Variants in RBFOX1 observed in about 807,000 individuals in gnomAD.
RBFOX1 encodes RNA binding fox-1 homolog 1.
Under a neutral mutation model 57.7 loss-of-function variants are expected in RBFOX1, and 8 were observed. The ratio of observed to expected loss-of-function variants is 0.14; its 90% CI spans 0.08 to 0.25. The LOEUF is 0.25. Among genes scored for constraint, RBFOX1 ranks in the 10% least tolerant of loss-of-function variants. The probability of loss-of-function intolerance (pLI) is 1.00; values close to 1 mark genes in which losing one functional copy is unlikely to be tolerated. For synonymous variants in RBFOX1, 326 were observed against 222.4 expected (o/e 1.47, Z -4.15); for missense variants, 611 against 548.5 (o/e 1.11, Z -1.14).
chr16:5,598,749 C>T (rs1010633757), intron 2 of RBFOX1, among the ~76,000 whole-genome samples: 1 of 152,154 alleles, frequency 6.6e-6, no homozygotes, highest in African/African-American at 2.4e-5. Context: ...CAGGTCTTGA[C>T]CCCTGCAGGG....
intron 4 of RBFOX1, among the ~76,000 whole-genome samples, chr16:7,138,143 T>C (rs1057232626): frequency 2.6e-5 from 4 of 152,006 alleles, no homozygotes; most frequent in Non-Finnish European, 5.9e-5. Context: ...TTGACTCAAA[T>C]AGGGTAAACA....
intron 1 of RBFOX1, among the ~76,000 whole-genome samples, chr16:5,253,039 C>G (rs113096886): frequency 9.9e-5 from 15 of 152,272 alleles, no homozygotes; most frequent in Admixed American, 3.9e-4. Context: ...CTGAGGTGCT[C>G]GCAAAGAGCC....
intron 3 of RBFOX1, among the ~76,000 whole-genome samples, chr16:7,002,141 C>A (rs1383036083): frequency 6.6e-6 from 1 of 151,702 alleles, no homozygotes; most frequent in Admixed American, 6.6e-5. Context: ...TTAGGTGAGT[C>A]TAGGGTTATT....
chr16:6,922,100 A>G (rs1287998148), intron 3 of RBFOX1, among the ~76,000 whole-genome samples: 6 of 152,090 alleles, frequency 3.9e-5, no homozygotes. Context: ...AGCATCTACA[A>G]CTTTCTTCAC....
chr16:5,817,885 A>G (rs1470234350), intron 3 of RBFOX1, among the ~76,000 whole-genome samples: 1 of 151,650 alleles, frequency 6.6e-6, no homozygotes, highest in African/African-American at 2.4e-5. Flanking sequence ...AGAGTTGGGG[A>G]TTCACCGTGT....
At chr16:5,652,879 G>A (rs1330347475) in intron 3 of RBFOX1, among the ~76,000 whole-genome samples, 5 of 152,208 alleles carry the variant, frequency 3.3e-5, no homozygotes, top group Non-Finnish European at 7.3e-5. Context: ...GTCACTGTAG[G>A]TAGCATGATG....
In RBFOX1 at chr16:7,297,325, T is replaced by G. The variant is rs565827317; in HGVS notation, c.28-220822T>G. ...TAACTGGGTTTGGAAATCAGTTGCA[T>G]CCCTTCTCTTCTCCAGAAACATATG... is the stretch of plus-strand genomic sequence containing the variant. On this transcript the variant is annotated intron_variant, in intron 4 of 15. Coordinates refer to ENST00000550418, the MANE Select transcript of RBFOX1 (RefSeq NM_018723.4). Among the ~76,000 whole-genome samples, 111 of 152,342 alleles carry G rather than the reference T, an allele frequency of 7.3e-4. 1 individual carries two copies. Among genetic ancestry groups the G allele is most frequent in the African/African-American group, 2.6e-3 (108 of 41,582 alleles).
At chr16:5,332,870 G>T (rs1349373706) in intron 1 of RBFOX1, among the ~76,000 whole-genome samples, 3 of 152,032 alleles carry the variant, frequency 2.0e-5, no homozygotes, top group Admixed American at 6.6e-5. Flanking sequence ...CACCAGGTAG[G>T]AACAAGTTAT....
chr16:5,689,772 C>G (rs1224546490), intron 3 of RBFOX1, among the ~76,000 whole-genome samples: 1 of 149,566 alleles, frequency 6.7e-6, no homozygotes, highest in East Asian at 2.0e-4. Context: ...GATCTTTGGT[C>G]TTAGACCAAT....
At chr16:6,771,620 A>T (rs560700515) in intron 3 of RBFOX1, among the ~76,000 whole-genome samples, 1 of 152,328 alleles carries the variant, frequency 6.6e-6, no homozygotes, top group East Asian at 1.9e-4. Context: ...GCAGTTCTCA[A>T]CTGTGGACAA....
intron 5 of RBFOX1, among the ~76,000 whole-genome samples, chr16:7,569,455 C>T (rs1375277883): frequency 6.6e-6 from 1 of 152,136 alleles, no homozygotes; most frequent in Non-Finnish European, 1.5e-5. Context: ...GGTGTTCACT[C>T]TGACATTGGG....
chr16:6,768,582 G>T (rs1408402915), intron 3 of RBFOX1, among the ~76,000 whole-genome samples: 1 of 151,512 alleles, frequency 6.6e-6, no homozygotes, highest in Non-Finnish European at 1.5e-5. Flanking sequence ...GAAAAAGATG[G>T]ATCAATAAAT....
chr16:6,246,997 G>A (rs1263103049), intron 1 of RBFOX1, among the ~76,000 whole-genome samples: 1 of 152,142 alleles, frequency 6.6e-6, no homozygotes, highest in East Asian at 1.9e-4. Context: ...TTGAACCCAG[G>A]AAGTAGAGGT....
intron 4 of RBFOX1, among the ~76,000 whole-genome samples, chr16:7,267,535 C>T (rs12102718): frequency 0.24 from 36,810 of 151,022 alleles, 4,720 homozygotes; most frequent in South Asian, 0.3. Flanking sequence ...GACTCTATCT[C>T]GACAAAAAAT....
intron 1 of RBFOX1, among the ~76,000 whole-genome samples, chr16:6,107,139 G>A (rs2096390577): frequency 6.6e-6 from 1 of 152,090 alleles, no homozygotes; most frequent in African/African-American, 2.4e-5. Context: ...TTGTGCCTTT[G>A]CTTTTTTGTT....
chr16:6,740,761 A>G (rs1428063745), intron 3 of RBFOX1, among the ~76,000 whole-genome samples: 12 of 152,206 alleles, frequency 7.9e-5, no homozygotes, highest in Non-Finnish European at 2.9e-5. Flanking sequence ...TCATGGATTG[A>G]AAGACTCCAC....
At chr16:7,010,801 G>A (rs76634086) in intron 3 of RBFOX1, among the ~76,000 whole-genome samples, 1 of 152,120 alleles carries the variant, frequency 6.6e-6, no homozygotes, top group Non-Finnish European at 1.5e-5. Flanking sequence ...CTGGCCTCAA[G>A]TGATCTACCC....
chr16:6,165,870 A>G (rs1414282397), intron 1 of RBFOX1, among the ~76,000 whole-genome samples: 1 of 152,184 alleles, frequency 6.6e-6, no homozygotes, highest in Non-Finnish European at 1.5e-5. Flanking sequence ...GGAGAGGCAA[A>G]TGGTAAAATG....
chr16:6,871,735 A>G (rs1368850012), intron 3 of RBFOX1, among the ~76,000 whole-genome samples: 1 of 152,044 alleles, frequency 6.6e-6, no homozygotes, highest in Non-Finnish European at 1.5e-5. Context: ...TTTCTGTTAC[A>G]TGATCGCCAT....
Sources: gnomAD v4.1 joint callset for allele counts (sites outside exome capture counted in the v4.1 genomes callset) on GRCh38, gnomAD v4.1.1 for gene constraint, MANE v1.5 for transcripts, NCBI Gene and HGNC (gene_info 2026-07-23, HGNC 2026-07-21) for gene names.